MED14: variants seen among roughly 807,000 people sequenced by gnomAD.
MED14 encodes the protein mediator complex subunit 14.
In MED14, 8 loss-of-function variants were observed where a neutral mutation model predicts 109.0. The ratio of observed to expected loss-of-function variants is 0.07; its 90% CI spans 0.04 to 0.13. The LOEUF (loss-of-function observed/expected upper bound fraction) is 0.13. Ranked by LOEUF, MED14 falls within the 10% of genes least tolerant of loss-of-function variation. MED14 has a pLI of 1.00. For synonymous variants in MED14, 399 were observed against 408.7 expected (o/e 0.98, Z 0.29); for missense variants, 711 against 1,142.4 (o/e 0.62, Z 5.44).
chrX:40,718,717 G>A (rs1488314776), intron 3 of MED14, among the ~76,000 whole-genome samples: 1 of 110,812 alleles, frequency 9.0e-6, no homozygotes, highest in African/African-American at 3.3e-5. Flanking sequence ...GAGTGCCTGT[G>A]GTCTCAGGTA....
At position 40,723,981 on chromosome X, in the gene MED14, T is replaced by C. The variant is rs182677349; in HGVS notation, c.348+2765A>G. 2.7e-3 allele frequency among the ~76,000 whole-genome samples: 304 copies of C among 111,283 alleles called. 2 individuals carry two copies. The highest frequency in any genetic ancestry group is 9.5e-3 in the African/African-American group (291 of 30,620). ...CTTCACCTATAAAGACACACATACA[T>C]AGACTGAAAATAAAGGGATGGGAAA... On this transcript the variant is annotated intron_variant, in intron 3 of 30. Transcript: ENST00000324817.
chrX:40,733,332 C>G (rs1932147114), intron 1 of MED14, among the ~76,000 whole-genome samples: 2 of 110,775 alleles, frequency 1.8e-5, no homozygotes, highest in African/African-American at 6.6e-5. Context: ...CTCCTGGGCT[C>G]AAGTGACCCC....
chrX:40,722,485 A>G (rs1931755416), intron 3 of MED14, among the ~76,000 whole-genome samples: 1 of 111,839 alleles, frequency 8.9e-6, no homozygotes, highest in Non-Finnish European at 1.9e-5. Flanking sequence ...ACAGCCTCAA[A>G]AGAACAAATC....
intron 11 of MED14, among the ~76,000 whole-genome samples, chrX:40,702,786 T>C (rs960474040): frequency 1.8e-5 from 2 of 111,822 alleles, no homozygotes; most frequent in Middle Eastern, 4.6e-3. Flanking sequence ...GAGCAGCCCA[T>C]AGAAAAAAAA....
rs1039995634 is a variant in MED14, at chrX:40,735,338, C to T, written c.75G>A (p.Pro25=). Residue 25 remains proline (P), a synonymous_variant, in exon 1 of 31, where the codon CCG becomes CCA. Transcript: ENST00000324817. ...GGGGGGSGGP[P]SAPAPPPPGA... Reference sequence around the variant, plus strand: ...CCGGGGGAGGAGGGGCTGGGGCTGACGGGGGTCCGCCGCTGCCCCCGCCGC... The same window carrying T: ...CCGGGGGAGGAGGGGCTGGGGCTGATGGGGGTCCGCCGCTGCCCCCGCCGC... 1 of 1,082,726 alleles carries T rather than the reference C, an allele frequency of 9.2e-7. No individual in the cohort carries two copies. The allele number at this position is 1,082,726 out of a possible 1,213,427, so 89.2% of individuals were successfully genotyped here. A position where few individuals can be genotyped will look rare whatever the true frequency, so the allele number is the denominator to read the frequency against.
intron 3 of MED14, among the ~76,000 whole-genome samples, chrX:40,721,484 A>G (rs887932532): frequency 1.8e-5 from 2 of 112,701 alleles, no homozygotes; most frequent in Non-Finnish European, 3.8e-5. Context: ...TAAGAAAAGA[A>G]TATCAGGCAA....
Position 40,680,145 on chromosome X carries a change from A to G in MED14, c.2611-12T>C. The stretch of plus-strand genomic sequence containing the variant: ...GTATCAAACAGTACCTATAAGGAAC[A>G]AACACAGTGAGAGCAGCCAGTTTCT... On this transcript the variant is annotated splice_polypyrimidine_tract_variant and intron_variant, in intron 20 of 30. Transcript: ENST00000324817. The G allele has an allele frequency of 8.3e-7, 1 of 1,203,613 alleles. No homozygotes were observed.
At chrX:40,706,849 T>C (rs1931161648) in intron 10 of MED14, among the ~76,000 whole-genome samples, 1 of 112,493 alleles carries the variant, frequency 8.9e-6, no homozygotes. Flanking sequence ...TTACAGATGA[T>C]ACTAAAGTAA....
intron 29 of MED14, 63 bp from the exon 30 acceptor site, chrX:40,654,619 C>A (rs1928991137): frequency 1.9e-6 from 2 of 1,064,157 alleles, no homozygotes; most frequent in Non-Finnish European, 2.6e-6. Context: ...CTAAATGTAT[C>A]AAAGGTACTA....
chrX:40,723,608 G>A (rs937579549), intron 3 of MED14, among the ~76,000 whole-genome samples: 1 of 93,800 alleles, frequency 1.1e-5, no homozygotes, highest in African/African-American at 3.9e-5. Flanking sequence ...AGAGGTTACA[G>A]TGGGCCAAGA....
At chrX:40,653,450 C>T (rs1372547079) in intron 30 of MED14, among the ~76,000 whole-genome samples, 2 of 111,944 alleles carry the variant, frequency 1.8e-5, no homozygotes, top group African/African-American at 6.5e-5. Context: ...TATCATTTCT[C>T]TCCTGATTCC....
chrX:40,702,020 T>G (rs1479489748), intron 11 of MED14, among the ~76,000 whole-genome samples: 2 of 111,288 alleles, frequency 1.8e-5, no homozygotes, highest in Non-Finnish European at 3.8e-5. Flanking sequence ...GAGAAGTCGC[T>G]CTCTCAGCCA....
intron 23 of MED14, among the ~76,000 whole-genome samples, chrX:40,671,562 T>C (rs765171723): frequency 2.7e-5 from 3 of 112,421 alleles, no homozygotes; most frequent in Non-Finnish European, 5.6e-5. Context: ...ATTTGGCTCA[T>C]AGGCCTTAGA....
chrX:40,667,761 A>G (rs1929553119), intron 23 of MED14, among the ~76,000 whole-genome samples: 1 of 112,377 alleles, frequency 8.9e-6, no homozygotes, highest in Non-Finnish European at 1.9e-5. Flanking sequence ...AACAACTGCA[A>G]TAATTCAGGT....
chrX:40,658,493 C>T (rs774668586), intron 28 of MED14, among the ~76,000 whole-genome samples: 1 of 110,395 alleles, frequency 9.1e-6, no homozygotes, highest in African/African-American at 3.3e-5. Flanking sequence ...TATACATAAA[C>T]CATCTCATAA....
In MED14 at chrX:40,650,012, C is replaced by T; in HGVS notation, c.*1794G>A. The T allele has an allele frequency of 6.8e-6, 5 of 739,225 alleles. No homozygotes were observed. Among genetic ancestry groups the T allele is most frequent in the Non-Finnish European group, 8.0e-6 (5 of 625,609 alleles). 60.9% of individuals were successfully genotyped at this position (739,225 alleles called of 1,213,427 possible). ...TAACTCTTAATAAAATTATTTGAAA[C>T]AATATTATCCTGCAGATAAAAATAC... On this transcript the variant is annotated 3_prime_UTR_variant, in exon 31 of 31. Transcript: ENST00000324817.
chrX:40,727,218 C>G (rs1041748608), intron 2 of MED14, among the ~76,000 whole-genome samples: 1 of 111,699 alleles, frequency 9.0e-6, no homozygotes, highest in African/African-American at 3.3e-5. Context: ...AAGTTCATAA[C>G]TGAAATTAGG....
At position 40,650,982 on chromosome X, in the gene MED14, T is replaced by A; in HGVS notation, c.*824A>T. 1.3e-6 allele frequency: 1 copy of A among 752,520 alleles called. No homozygotes were observed. Among genetic ancestry groups the A allele is most frequent in the Non-Finnish European group, 1.6e-6 (1 of 637,608 alleles). The allele number at this position is 752,520 out of a possible 1,213,427, so 62.0% of individuals were successfully genotyped here. ...ATGAGAATGATTGCATTATTTGGGA[T>A]CCTTGATCAATACGAACCACATACT... On this transcript the variant is annotated 3_prime_UTR_variant, in exon 31 of 31. Transcript: ENST00000324817.
upstream of MED14, chrX:40,735,662 A>G (rs771917987): frequency 6.6e-5 from 32 of 487,965 alleles, no homozygotes; most frequent in South Asian, 5.0e-4. Flanking sequence ...GGCCCCGCAG[A>G]GGGGAAGCTG....
Sources: allele counts gnomAD v4.1 joint callset (sites outside exome capture counted in the v4.1 genomes callset), GRCh38; gene constraint gnomAD v4.1.1; transcripts MANE v1.5; gene names NCBI Gene and HGNC (gene_info 2026-07-23, HGNC 2026-07-21).